The following UTRN variants were observed in gnomAD, a reference collection of about 807,000 sequenced individuals.
UTRN encodes utrophin, also known as dystrophin-related protein 1.
In UTRN, 283 loss-of-function variants were observed where a neutral mutation model predicts 463.9. The ratio of observed to expected loss-of-function variants is 0.61; its 90% CI spans 0.55 to 0.67. The LOEUF (loss-of-function observed/expected upper bound fraction) is 0.67. Ranked by LOEUF, UTRN falls within the 30% of genes least tolerant of loss-of-function variation. The pLI is 0.00. For missense variants in UTRN, 3,922 were observed against 4,084.3 expected (o/e 0.96, Z 1.08); for synonymous variants, 1,442 against 1,431.5 (o/e 1.01, Z -0.17).
intron 41 of UTRN, among the ~76,000 whole-genome samples, chr6:144,525,919 C>T (rs1013290481): frequency 6.6e-6 from 1 of 152,022 alleles, no homozygotes; most frequent in Non-Finnish European, 1.5e-5. Flanking sequence ...TTTAAATTTC[C>T]ATCTTGATTT....
chr6:144,489,941 C>T (rs935327198), intron 30 of UTRN, 130 bp from the exon 31 acceptor site: 1 of 1,324,204 alleles, frequency 7.6e-7, no homozygotes, highest in Non-Finnish European at 1.0e-6. Context: ...ATTAAAGCTT[C>T]TGTGGAGGTC....
At chr6:144,655,439 G>A (rs1189391188) in intron 51 of UTRN, among the ~76,000 whole-genome samples, 1 of 152,218 alleles carries the variant, frequency 6.6e-6, no homozygotes, top group Admixed American at 6.5e-5. Flanking sequence ...GGAGAATTGT[G>A]TATATTTCTT....
chr6:144,538,739 G>A (rs946105936), intron 44 of UTRN, among the ~76,000 whole-genome samples: 9 of 152,112 alleles, frequency 5.9e-5, no homozygotes, highest in Non-Finnish European at 8.8e-5. Context: ...TGTGTGAAAG[G>A]TTACTTACTA....
chr6:144,456,270 C>T (rs1788801638), intron 19 of UTRN, among the ~76,000 whole-genome samples: 1 of 152,132 alleles, frequency 6.6e-6, no homozygotes, highest in South Asian at 2.1e-4. Flanking sequence ...AAAAAGCCCA[C>T]CATAGCCAAT....
chr6:144,438,753 A>T lies in UTRN; in HGVS notation c.1250A>T (p.Asp417Val). Residue 417 changes from aspartate to valine, a missense_variant, in exon 12 of 75, where the codon GAT becomes GTT. Transcript: ENST00000367545. Reference protein sequence around the residue: ...ESMDRQSRLHDVLMELQKKQL... With the variant: ...ESMDRQSRLHVVLMELQKKQL... Reference sequence around the variant, plus strand: ...GTGTTCCCCACGGACAGGCTGCACGATGTGCTGATGGAACTGCAGAAGAAG... The same window carrying T: ...GTGTTCCCCACGGACAGGCTGCACGTTGTGCTGATGGAACTGCAGAAGAAG... 6.2e-7 allele frequency: 1 copy of T among 1,614,178 alleles called. No homozygotes were observed. Among genetic ancestry groups the T allele is most frequent in the Non-Finnish European group, 8.5e-7 (1 of 1,180,022 alleles).
intron 45 of UTRN, among the ~76,000 whole-genome samples, chr6:144,542,350 A>G (rs549066085): frequency 1.3e-5 from 2 of 152,258 alleles, no homozygotes; most frequent in South Asian, 4.2e-4. Flanking sequence ...TTGATTCCTG[A>G]AATCTTTGGA....
intron 46 of UTRN, among the ~76,000 whole-genome samples, chr6:144,546,815 A>AAAAC (rs140082062): frequency 0.027 from 4,172 of 151,968 alleles, 148 homozygotes; most frequent in Admixed American, 0.083. Context: ...TCTCAAAGAA[A>AAAAC]AAACAAACAA....
intron 41 of UTRN, among the ~76,000 whole-genome samples, chr6:144,527,059 G>A (rs945812687): frequency 4.0e-5 from 6 of 151,890 alleles, no homozygotes; most frequent in South Asian, 4.1e-4. Context: ...CTCAGCCTCC[G>A]AAAGTGCTGG....
intron 57 of UTRN, among the ~76,000 whole-genome samples, chr6:144,755,911 G>C (rs1166412736): frequency 6.6e-6 from 1 of 151,982 alleles, no homozygotes; most frequent in African/African-American, 2.4e-5. Context: ...ACAATTTCAA[G>C]AATCTTAATC....
chr6:144,427,912 T>A (rs1482542789), intron 7 of UTRN, among the ~76,000 whole-genome samples: 1 of 152,030 alleles, frequency 6.6e-6, no homozygotes, highest in Non-Finnish European at 1.5e-5. Context: ...AGTTGTGTAG[T>A]ATATAGAAAT....
At chr6:144,465,849 G>T (rs1789906037) in intron 23 of UTRN, among the ~76,000 whole-genome samples, 1 of 152,106 alleles carries the variant, frequency 6.6e-6, no homozygotes, top group African/African-American at 2.4e-5. Flanking sequence ...GTAGGTTTTA[G>T]ATTCAATGCC....
At chr6:144,618,696 A>G (rs1562657474) in intron 51 of UTRN, among the ~76,000 whole-genome samples, 1 of 152,124 alleles carries the variant, frequency 6.6e-6, no homozygotes. Flanking sequence ...TGTACTTGGC[A>G]CAATGATAAC....
chr6:144,761,529 C>T (rs1792679125), intron 58 of UTRN, among the ~76,000 whole-genome samples: 1 of 152,034 alleles, frequency 6.6e-6, no homozygotes, highest in African/African-American at 2.4e-5. Flanking sequence ...CGCCTATAGT[C>T]CCAGCAGTCA....
Position 144,749,202 on chromosome 6 carries a change from T to A in UTRN, c.8208+688T>A, listed in dbSNP as rs530611689. On this transcript the variant is annotated intron_variant, in intron 55 of 74. Transcript: ENST00000367545. ...TCCTGAAAAAAAAGTTAATAAAATT[T>A]AGACAATAAGAGATATAAGAGATGG... 3.9e-5 allele frequency among the ~76,000 whole-genome samples: 6 copies of A among 152,302 alleles called. No homozygotes were observed. The South Asian group carries it at 6.2e-4, about 16-fold the overall frequency.
intron 31 of UTRN, 122 bp downstream of exon 31, chr6:144,490,321 A>T: frequency 1.4e-6 from 2 of 1,379,428 alleles, no homozygotes; most frequent in South Asian, 1.5e-5. Context: ...ATGGGATGGG[A>T]GTGATGATGT....
At chr6:144,841,338 A>T (rs972622352) in intron 73 of UTRN, among the ~76,000 whole-genome samples, 1 of 152,194 alleles carries the variant, frequency 6.6e-6, no homozygotes, top group African/African-American at 2.4e-5. Context: ...TTTCTCATGG[A>T]ATAAAATAGT....
Position 144,461,320 on chromosome 6 carries a change from A to C in UTRN, c.2831A>C (p.Glu944Ala), listed in dbSNP as rs760024098. 6.3e-7 allele frequency: 1 copy of C among 1,577,590 alleles called. No individual in the cohort carries two copies. The highest frequency in any genetic ancestry group is 2.2e-5 in the East Asian group (1 of 44,464). Residue 944 changes from glutamate to alanine, a missense_variant, in exon 22 of 75, where the codon GAG becomes GCG. This residue lies in a region of UTRN where 2,349 missense variants were observed against 2,303.8 expected (regional missense o/e 1.02). Coordinates refer to ENST00000367545, the MANE Select transcript of UTRN (RefSeq NM_007124.3). ...GTCCTTAATGATCTTGCCAAGGTGG[A>C]GAAGGCCCTGCAAGAAAAAAAGGTA... is the stretch of plus-strand genomic sequence containing the variant. ...LNVLNDLAKV[E>A]KALQEKKTLD...
At position 144,523,154 on chromosome 6, in the gene UTRN, G is replaced by T; in HGVS notation, c.5872G>T (p.Asp1958Tyr). 6.2e-7 allele frequency: 1 copy of T among 1,612,148 alleles called. No homozygotes were observed. Among genetic ancestry groups the T allele is most frequent in the Non-Finnish European group, 8.5e-7 (1 of 1,179,250 alleles). The change falls in exon 41 of 75, where the codon GAC becomes TAC. Residue 1958 changes from aspartate to tyrosine, a missense_variant. Asp to Tyr is a radical substitution (Grantham distance 160). Transcript: ENST00000367545. ...DTLTQLNAKW[D>Y]RINRMYSDRK... ...ACTTACTCAGCTGAATGCAAAATGGGACAGAATTAATAGAATGTACAGTGA... is the reference window on the plus strand; with the variant it reads ...ACTTACTCAGCTGAATGCAAAATGGTACAGAATTAATAGAATGTACAGTGA...
chr6:144,779,184 A>G (rs1265115451), intron 60 of UTRN, among the ~76,000 whole-genome samples: 1 of 152,182 alleles, frequency 6.6e-6, no homozygotes, highest in Non-Finnish European at 1.5e-5. Flanking sequence ...GTGCTGTGTT[A>G]CTGGCATAAT....
Sources: gnomAD v4.1 joint callset for allele counts (sites outside exome capture counted in the v4.1 genomes callset) on GRCh38, gnomAD v4.1.1 for gene constraint, gnomAD v4.1.1 regional missense constraint, MANE v1.5 for transcripts, NCBI Gene and HGNC (gene_info 2026-07-23, HGNC 2026-07-21) for gene names.